DCBLD2: variants seen among roughly 807,000 people sequenced by gnomAD.
DCBLD2 encodes discoidin, CUB and LCCL domain containing 2.
DCBLD2 carries 54 observed loss-of-function variants against 86.8 expected under a neutral mutation model. That is an observed-to-expected ratio of 0.62 (90% CI 0.50 to 0.78). The LOEUF (loss-of-function observed/expected upper bound fraction) is 0.78, where lower values mean the gene tolerates loss of function less well. Among genes scored for constraint, DCBLD2 ranks in the 30% least tolerant of loss-of-function variants. The pLI, the probability that DCBLD2 is intolerant of heterozygous loss-of-function variation, is 0.00. For missense variants in DCBLD2, 908 were observed against 954.2 expected (o/e 0.95, Z 0.64); for synonymous variants, 354 against 341.3 (o/e 1.04, Z -0.41).
At chr3:98,876,413 A>G (rs368624152) in intron 2 of DCBLD2, among the ~76,000 whole-genome samples, 76 of 3,984 alleles carry the variant, frequency 0.019, no homozygotes, top group African/African-American at 0.033. Context: ...GATAAAAAGT[A>G]AAAAAAAAAA....
chr3:98,877,229 A>C (rs937063273), intron 2 of DCBLD2, among the ~76,000 whole-genome samples: 1 of 152,224 alleles, frequency 6.6e-6, no homozygotes, highest in African/African-American at 2.4e-5. Context: ...GAAATGAACC[A>C]AACCATATTT....
chr3:98,849,277 G>A, intron 3 of DCBLD2, 184 bp downstream of exon 3: 1 of 667,454 alleles, frequency 1.5e-6, no homozygotes. Flanking sequence ...TAACGTTTAT[G>A]TACTTTTATT....
intron 13 of DCBLD2, among the ~76,000 whole-genome samples, chr3:98,804,601 G>T (rs893562605): frequency 6.6e-6 from 1 of 152,038 alleles, no homozygotes; most frequent in African/African-American, 2.4e-5. Flanking sequence ...CAATGTGTTT[G>T]CTCTTGCTTC....
intron 3 of DCBLD2, among the ~76,000 whole-genome samples, chr3:98,838,695 C>A (rs1434539011): frequency 2.6e-5 from 4 of 152,070 alleles, no homozygotes; most frequent in South Asian, 4.2e-4. Flanking sequence ...CCAAGGCAGG[C>A]GGCTGGGAGG....
At chr3:98,801,042 G>C (rs1941709139) in intron 14 of DCBLD2, among the ~76,000 whole-genome samples, 1 of 152,122 alleles carries the variant, frequency 6.6e-6, no homozygotes, top group South Asian at 2.1e-4. Flanking sequence ...GGCACTAGCT[G>C]CCCTTTTCTA....
chr3:98,838,843 G>A (rs1440127011), intron 3 of DCBLD2, among the ~76,000 whole-genome samples: 10 of 152,124 alleles, frequency 6.6e-5, no homozygotes, highest in Admixed American at 3.3e-4. Context: ...TTAGGGGCTG[G>A]AGACCGGCCC....
intron 1 of DCBLD2, among the ~76,000 whole-genome samples, chr3:98,885,306 A>G (rs11923856): frequency 0.04 from 6,044 of 152,248 alleles, 361 homozygotes; most frequent in African/African-American, 0.14. Context: ...ATCTCAAAAA[A>G]TATTTGACAA....
intron 13 of DCBLD2, among the ~76,000 whole-genome samples, chr3:98,803,210 C>A (rs1357110586): frequency 1.3e-5 from 2 of 152,124 alleles, no homozygotes; most frequent in African/African-American, 4.8e-5. Flanking sequence ...TGTTTGCGTC[C>A]TCTTTTATTT....
chr3:98,812,421 A>G lies in DCBLD2; in HGVS notation c.1274T>C (p.Ile425Thr). Residue 425 changes from isoleucine to threonine, a missense_variant, in exon 10 of 16, where the codon ATT (isoleucine) becomes ACT (threonine). Physicochemically the swap from Ile to Thr is moderately conservative, Grantham distance 89. Around this residue, in one of 3 missense-constraint regions of DCBLD2, gnomAD observed 606 missense variants for 678.5 expected, o/e 0.89. Coordinates refer to ENST00000326840, the MANE Select transcript of DCBLD2 (RefSeq NM_080927.4). Reference protein sequence around the residue: ...DVRNNFLPPIIARFIRVNPTQ... With the variant: ...DVRNNFLPPITARFIRVNPTQ... ...AGGATTCACTCTAATAAAACGTGCA[A>G]TAATTGGTGGCAAAAAGTTATTACG... 6.2e-7 allele frequency: 1 copy of G among 1,613,474 alleles called. No individual in the cohort carries two copies.
chr3:98,888,520 C>T (rs372987514), intron 1 of DCBLD2, among the ~76,000 whole-genome samples: 1 of 152,082 alleles, frequency 6.6e-6, no homozygotes, highest in African/African-American at 2.4e-5. Context: ...ATTAACAATT[C>T]AAGCTACCAA....
chr3:98,828,717 G>T (rs1315107821), intron 3 of DCBLD2, among the ~76,000 whole-genome samples: 3 of 152,062 alleles, frequency 2.0e-5, no homozygotes, highest in African/African-American at 7.2e-5. Context: ...ATGCCCAAGA[G>T]AATTAAAAAC....
intron 2 of DCBLD2, among the ~76,000 whole-genome samples, chr3:98,855,944 CTAAGTTGACAGATTATTTCAG>C (rs1942924030): frequency 6.6e-6 from 1 of 152,154 alleles, no homozygotes; most frequent in Non-Finnish European, 1.5e-5. Flanking sequence ...CTAGCTCTTA[CTAAGTTGACAGATTATTTCAG>C]TATAGCTGGC....
chr3:98,860,685 G>C (rs1210414914), intron 2 of DCBLD2, among the ~76,000 whole-genome samples: 1 of 152,158 alleles, frequency 6.6e-6, no homozygotes, highest in Non-Finnish European at 1.5e-5. Flanking sequence ...GACAGATTTT[G>C]TCACCACCAG....
intron 10 of DCBLD2, among the ~76,000 whole-genome samples, chr3:98,811,931 G>A (rs188873432): frequency 3.4e-4 from 52 of 152,190 alleles, no homozygotes; most frequent in South Asian, 4.1e-4. Context: ...GCCTTTGGGC[G>A]TACAAAAGTA....
chr3:98,799,706 G>C lies in DCBLD2; in HGVS notation c.1994C>G (p.Ala665Gly). The C allele has an allele frequency of 6.2e-7, 1 of 1,614,008 alleles. No homozygotes were observed. The highest frequency in any genetic ancestry group is 1.1e-5 in the South Asian group (1 of 91,084). Residue 665 changes from alanine (A) to glycine (G), a missense_variant, in exon 16 of 16, where the codon GCC becomes GGC. Physicochemically the swap from Ala to Gly is moderately conservative, Grantham distance 60. This residue lies in a region of DCBLD2 where 606 missense variants were observed against 678.5 expected (regional missense o/e 0.89). Transcript: ENST00000326840. Reference sequence around the variant, plus strand: ...CGTAATTGGGAGTGGTTCAGCATAGGCATGATAAACTTCCTGCCCTGGTGA... The same window carrying C: ...CGTAATTGGGAGTGGTTCAGCATAGCCATGATAAACTTCCTGCCCTGGTGA... ...YNSPGQEVYH[A>G]YAEPLPITGP...
At chr3:98,853,996 T>G (rs1331928335) in intron 2 of DCBLD2, among the ~76,000 whole-genome samples, 1 of 150,794 alleles carries the variant, frequency 6.6e-6, no homozygotes, top group Non-Finnish European at 1.5e-5. Flanking sequence ...TTTTTTTTTC[T>G]TTTTTTAACT....
At position 98,818,028 on chromosome 3, in the gene DCBLD2, G is replaced by T. The variant is rs545212285; in HGVS notation, c.1088-135C>A. 14 of 1,112,682 alleles carry T rather than the reference G, an allele frequency of 1.3e-5. No individual in the cohort carries two copies. The African/African-American group carries it at 1.7e-4, about 14-fold the overall frequency. 68.9% of individuals were successfully genotyped at this position (1,112,682 alleles called of 1,614,324 possible). On this transcript the variant is annotated intron_variant, in intron 8 of 15. Coordinates refer to ENST00000326840, the MANE Select transcript of DCBLD2 (RefSeq NM_080927.4). ...GGCTCATTTCCATATCCAAGTGCAC[G>T]TTTTTGTCATAACAATTACTAAATC...
intron 6 of DCBLD2, 83 bp downstream of exon 6, chr3:98,822,145 A>G: frequency 6.7e-7 from 1 of 1,485,638 alleles, no homozygotes; most frequent in South Asian, 1.1e-5. Context: ...GATACTGCTG[A>G]GATCTAGCTA....
chr3:98,836,356 T>C (rs1258556665), intron 3 of DCBLD2, among the ~76,000 whole-genome samples: 2 of 147,358 alleles, frequency 1.4e-5, no homozygotes, highest in Admixed American at 6.8e-5. Context: ...TGGATGAAAT[T>C]TGTATAACAT....
Sources: allele counts gnomAD v4.1 joint callset (sites outside exome capture counted in the v4.1 genomes callset), GRCh38; gene constraint gnomAD v4.1.1; regional missense constraint gnomAD v4.1.1; transcripts MANE v1.5; gene names NCBI Gene and HGNC (gene_info 2026-07-23, HGNC 2026-07-21).